The following ZBTB46 variants were observed in gnomAD, a reference collection of about 807,000 sequenced individuals.
The protein encoded by ZBTB46 is zinc finger and BTB domain containing 46, also known as zinc finger and BTB domain-containing protein 46.
Under a neutral mutation model 44.1 loss-of-function variants are expected in ZBTB46, and 8 were observed. The observed-to-expected ratio is 0.18, with a 90% CI of 0.11 to 0.33. ZBTB46 has a LOEUF of 0.33. ZBTB46 is among the 10% of genes least tolerant of loss of function. The probability of loss-of-function intolerance (pLI) is 1.00; values close to 1 mark genes in which losing one functional copy is unlikely to be tolerated. For missense variants in ZBTB46, 651 were observed against 847.7 expected, an observed-to-expected ratio of 0.77 and a Z score of 2.88; for synonymous variants, 409 against 382.3, an observed-to-expected ratio of 1.07 and a Z score of -0.81.
intron 3 of ZBTB46, among the ~76,000 whole-genome samples, chr20:63,757,610 C>T (rs915281828): frequency 2.1e-4 from 32 of 152,284 alleles, no homozygotes; most frequent in Non-Finnish European, 3.5e-4. Context: ...ATGTCTGCAT[C>T]TGTCAGTCCT....
At chr20:63,821,199 C>T (rs28794636) in intron 1 of ZBTB46, among the ~76,000 whole-genome samples, 25,663 of 140,882 alleles carry the variant, frequency 0.18, 2,750 homozygotes, top group East Asian at 0.46. Context: ...TTTTTTTTTT[C>T]AGTAGAGACA....
At chr20:63,776,586 C>A (rs1294843007) in intron 2 of ZBTB46, among the ~76,000 whole-genome samples, 2 of 152,130 alleles carry the variant, frequency 1.3e-5, no homozygotes, top group Non-Finnish European at 2.9e-5. Context: ...GGCGGATCAT[C>A]TGAGGTCAGG....
At chr20:63,791,514 A>AG (rs1344550969) in intron 1 of ZBTB46, among the ~76,000 whole-genome samples, 6 of 151,904 alleles carry the variant, frequency 3.9e-5, no homozygotes, top group African/African-American at 1.5e-4. Flanking sequence ...AAAAAAAAAA[A>AG]AAAAACTTCT....
intron 3 of ZBTB46, among the ~76,000 whole-genome samples, chr20:63,759,319 G>C (rs751079936): frequency 6.6e-6 from 1 of 152,102 alleles, no homozygotes; most frequent in African/African-American, 2.4e-5. Flanking sequence ...AGATTCTTTT[G>C]AATGTTCTAT....
At chr20:63,773,238 T>C (rs951136179) in intron 3 of ZBTB46, among the ~76,000 whole-genome samples, 3 of 150,848 alleles carry the variant, frequency 2.0e-5, no homozygotes, top group African/African-American at 7.3e-5. Flanking sequence ...GGCTTTTTTT[T>C]TTTTTTTTGA....
At chr20:63,779,480 C>T (rs1260919784) in intron 2 of ZBTB46, among the ~76,000 whole-genome samples, 2 of 140,154 alleles carry the variant, frequency 1.4e-5, no homozygotes, top group East Asian at 4.3e-4. Flanking sequence ...AGTGCAGTGG[C>T]ATGATCTTGG....
chr20:63,776,471 A>T (rs1266421400), intron 2 of ZBTB46, among the ~76,000 whole-genome samples: 1 of 152,196 alleles, frequency 6.6e-6, no homozygotes, highest in Non-Finnish European at 1.5e-5. Flanking sequence ...AATAAATTGG[A>T]CTCATCAAAA....
intron 4 of ZBTB46, among the ~76,000 whole-genome samples, chr20:63,751,490 T>C (rs1450493262): frequency 1.3e-5 from 2 of 152,136 alleles, no homozygotes; most frequent in African/African-American, 4.8e-5. Context: ...GCCAGGGCCC[T>C]GCACCCCTCT....
intron 1 of ZBTB46, among the ~76,000 whole-genome samples, chr20:63,830,365 A>C (rs2092842235): frequency 6.6e-6 from 1 of 151,676 alleles, no homozygotes; most frequent in Non-Finnish European, 1.5e-5. Flanking sequence ...CGCGGCTCGC[A>C]GCGGACCCCG....
At chr20:63,784,397 C>T (rs1229290370) in intron 2 of ZBTB46, among the ~76,000 whole-genome samples, 2 of 152,352 alleles carry the variant, frequency 1.3e-5, no homozygotes, top group East Asian at 3.9e-4. Context: ...TTCTGATGTA[C>T]GCTTAAAAAT....
At chr20:63,800,825 C>T (rs1363942981) in intron 1 of ZBTB46, among the ~76,000 whole-genome samples, 4 of 152,222 alleles carry the variant, frequency 2.6e-5, no homozygotes, top group South Asian at 4.1e-4. Context: ...TCCCCCTCCC[C>T]GCAGTGGGCT....
At chr20:63,747,989 G>A (rs1416316085) in intron 4 of ZBTB46, among the ~76,000 whole-genome samples, 1 of 152,238 alleles carries the variant, frequency 6.6e-6, no homozygotes, top group African/African-American at 2.4e-5. Context: ...ACAGGGACGG[G>A]CCGGGGTTGG....
At chr20:63,791,030 C>G (rs1339466359) in intron 1 of ZBTB46, 2 of 463,944 alleles carry the variant, frequency 4.3e-6, no homozygotes, top group Non-Finnish European at 7.6e-6. Context: ...TTTCCGTGCT[C>G]GAGGCTAATG....
intron 1 of ZBTB46, among the ~76,000 whole-genome samples, chr20:63,808,976 C>CAAAA (rs1157399042): frequency 3.7e-4 from 28 of 75,200 alleles, no homozygotes; most frequent in South Asian, 5.3e-4. Flanking sequence ...GACTCCGCTT[C>CAAAA]AAAAAAAAAA....
intron 3 of ZBTB46, among the ~76,000 whole-genome samples, chr20:63,768,899 T>C (rs2092343518): frequency 6.6e-6 from 1 of 152,122 alleles, no homozygotes; most frequent in Non-Finnish European, 1.5e-5. Context: ...CTCTAGGAAC[T>C]GATGTTTCCA....
intron 1 of ZBTB46, among the ~76,000 whole-genome samples, chr20:63,825,849 T>TC (rs980293390): frequency 6.6e-6 from 1 of 152,206 alleles, no homozygotes; most frequent in African/African-American, 2.4e-5. Context: ...TCTGCCCAGT[T>TC]AAGAGCCATA....
In ZBTB46 at chr20:63,790,202, T is replaced by C. The variant is rs752423049; in HGVS notation, c.556A>G (p.Ile186Val). The C allele has an allele frequency of 1.9e-6, 3 of 1,613,214 alleles. No homozygotes were observed. The highest frequency in any genetic ancestry group is 2.5e-6 in the Non-Finnish European group (3 of 1,179,802). ...CTCCCTCCGTCGTGACAGCTGGCGATGGCCGAGTCTCCGGAAGAATTGGCA... is the reference window on the plus strand; with the variant it reads ...CTCCCTCCGTCGTGACAGCTGGCGACGGCCGAGTCTCCGGAAGAATTGGCA... ...SPANSSGDSA[I>V]ASCHDGGSSY... Residue 186 changes from isoleucine to valine, a missense_variant, in exon 2 of 5, where the codon ATC becomes GTC. Ile to Val is a conservative substitution (Grantham distance 29). Around this residue, in one of 5 missense-constraint regions of ZBTB46, gnomAD observed 385 missense variants for 423.3 expected, o/e 0.91. Coordinates refer to ENST00000245663, the MANE Select transcript of ZBTB46 (RefSeq NM_001369741.1).
intron 1 of ZBTB46, among the ~76,000 whole-genome samples, chr20:63,828,140 C>T (rs1029852738): frequency 1.2e-4 from 19 of 152,258 alleles, no homozygotes; most frequent in Non-Finnish European, 5.9e-5. Flanking sequence ...CATCTATAAA[C>T]AACACCATTG....
In ZBTB46 at chr20:63,806,537, T is replaced by C. The variant is rs138731338; in HGVS notation, c.-33-15747A>G. ...CCTGAAATGGTAACTTCAAAAAAAA[T>C]AGAACCTAAATAAGAAGGTTGTAAT... On this transcript the variant is annotated intron_variant, in intron 1 of 4. Coordinates refer to ENST00000245663, the MANE Select transcript of ZBTB46 (RefSeq NM_001369741.1). 2.9e-3 allele frequency among the ~76,000 whole-genome samples: 443 copies of C among 151,976 alleles called. 6 individuals are homozygous for C. The highest frequency in any genetic ancestry group is 0.01 in the African/African-American group (420 of 41,472).
Sources: gnomAD v4.1 joint callset for allele counts (sites outside exome capture counted in the v4.1 genomes callset) on GRCh38, gnomAD v4.1.1 for gene constraint, gnomAD v4.1.1 regional missense constraint, MANE v1.5 for transcripts, NCBI Gene and HGNC (gene_info 2026-07-23, HGNC 2026-07-21) for gene names.